TAF7L: variants seen among roughly 807,000 people sequenced by gnomAD.
The protein encoded by TAF7L is transcription initiation factor TFIID subunit 7-like.
Under a neutral mutation model 30.2 loss-of-function variants are expected in TAF7L, and 6 were observed. The observed-to-expected ratio is 0.20, with a 90% CI of 0.11 to 0.39. The LOEUF (loss-of-function observed/expected upper bound fraction) is 0.39, where lower values mean the gene tolerates loss of function less well. Among genes scored for constraint, TAF7L ranks in the 10% least tolerant of loss-of-function variants. The pLI, the probability that TAF7L is intolerant of heterozygous loss-of-function variation, is 1.00. For missense variants in TAF7L, 284 were observed against 277.1 expected (o/e 1.03, Z -0.18); for synonymous variants, 93 against 94.5 (o/e 0.98, Z 0.09).
At chrX:101,286,192 A>AAAAGAAAGAAAGAAAGAAAG (rs1005206920) in intron 3 of TAF7L, among the ~76,000 whole-genome samples, 1 of 106,254 alleles carries the variant, frequency 9.4e-6, no homozygotes, top group Admixed American at 1.0e-4. Flanking sequence ...AAAAAAAAAA[A>AAAAGAAAGAAAGAAAGAAAG]AAAGAAAGAA....
chrX:101,277,451 C>CAAAAAAAAAAAAAA lies in TAF7L; in HGVS notation c.691+141_691+154dup, dbSNP rs368056727. ...TGGGCGACAGAGCAAGACTCCATCT[C>CAAAAAAAAAAAAAA]AAAAAAAAAAAAAAAAAAAGAGGGA... is the stretch of plus-strand genomic sequence containing the variant. On this transcript the variant is annotated intron_variant, in intron 9 of 12. Coordinates refer to ENST00000356784, the MANE Select transcript of TAF7L (RefSeq NM_001168474.2). Among the ~76,000 whole-genome samples the CAAAAAAAAAAAAAA allele has an allele frequency of 6.7e-4, 27 of 40,411 alleles. 1 individual carries two copies. The highest frequency in any genetic ancestry group is 2.7e-3 in the African/African-American group (27 of 10,037). 35.1% of individuals were successfully genotyped at this position (40,411 alleles called of 115,157 possible).
chrX:101,284,975 G>A (rs1354618056), intron 3 of TAF7L, among the ~76,000 whole-genome samples: 2 of 110,887 alleles, frequency 1.8e-5, no homozygotes, highest in Non-Finnish European at 3.8e-5. Context: ...TTTTTAAAAG[G>A]CTGAGTAGTA....
chrX:101,283,682 T>A (rs1924490586), intron 3 of TAF7L, 99 bp from the exon 4 acceptor site: 35 of 905,684 alleles, frequency 3.9e-5, no homozygotes, highest in Non-Finnish European at 5.4e-5. Flanking sequence ...GATTAGTCTT[T>A]CCAAGAAACC....
rs1351733272 is a variant in TAF7L, at chrX:101,268,625, C to T, written c.*568G>A. 8.9e-6 allele frequency: 1 copy of T among 112,052 alleles called. No individual in the cohort carries two copies. The highest frequency in any genetic ancestry group is 1.9e-5 in the Non-Finnish European group (1 of 53,302). The allele number at this position is 112,052 out of a possible 1,213,427, so 9.2% of individuals were successfully genotyped here. ...GCTGCAAGGTAGGCACTTAAACTCA[C>T]TATGGCAGGTCCTAGTGCTTAGTAG... On this transcript the variant is annotated 3_prime_UTR_variant, in exon 13 of 13. Coordinates refer to ENST00000356784, the MANE Select transcript of TAF7L (RefSeq NM_001168474.2).
At position 101,269,163 on chromosome X, in the gene TAF7L, A is replaced by C. The variant is rs1242510059; in HGVS notation, c.*30T>G. On this transcript the variant is annotated 3_prime_UTR_variant, in exon 13 of 13. Coordinates refer to ENST00000356784, the MANE Select transcript of TAF7L (RefSeq NM_001168474.2). ...AATCTGCAGTCTGGATGGTGAATCC[A>C]AGGTTTGTGGGCCACGCCAATGGCT... The C allele has an allele frequency of 3.3e-6, 4 of 1,198,878 alleles. No homozygotes were observed. Among genetic ancestry groups the C allele is most frequent in the Non-Finnish European group, 4.5e-6 (4 of 885,979 alleles).
intron 1 of TAF7L, among the ~76,000 whole-genome samples, chrX:101,288,450 C>T (rs899882127): frequency 1.3e-5 from 1 of 78,629 alleles, no homozygotes; most frequent in African/African-American, 5.3e-5. Context: ...GCATGGAATC[C>T]AGTTCTTTTT....
At chrX:101,269,571 A>G (rs1261188085) in intron 12 of TAF7L, among the ~76,000 whole-genome samples, 1 of 112,075 alleles carries the variant, frequency 8.9e-6, no homozygotes, top group East Asian at 2.8e-4. Context: ...CCTCACAATC[A>G]TGGTGGAAGG....
chrX:101,275,883 G>T, intron 11 of TAF7L, 117 bp downstream of exon 11: 1 of 481,549 alleles, frequency 2.1e-6, no homozygotes, highest in Non-Finnish European at 3.4e-6. Context: ...TTTCTAAGAG[G>T]CTGTTTAGGT....
intron 6 of TAF7L, among the ~76,000 whole-genome samples, chrX:101,279,466 C>A (rs1924326865): frequency 9.1e-6 from 1 of 110,295 alleles, no homozygotes; most frequent in Non-Finnish European, 1.9e-5. Flanking sequence ...ACTAAAAATA[C>A]AAAAATTAGC....
chrX:101,292,170 C>T (rs1352251898), upstream of TAF7L, among the ~76,000 whole-genome samples: 1 of 93,351 alleles, frequency 1.1e-5, no homozygotes, highest in Admixed American at 1.2e-4. Flanking sequence ...ACCCGGGAGG[C>T]GGAGCTTGCA....
chrX:101,273,490 G>T (rs1303311866), intron 12 of TAF7L, among the ~76,000 whole-genome samples: 1 of 111,569 alleles, frequency 9.0e-6, no homozygotes, highest in Non-Finnish European at 1.9e-5. Flanking sequence ...TTGGGAGGCT[G>T]AGGGAGGACA....
At chrX:101,292,851 C>T, upstream of TAF7L, 3 of 1,211,658 alleles carry the variant, frequency 2.5e-6, no homozygotes, top group South Asian at 5.3e-5. Flanking sequence ...TGTCCGCATC[C>T]GTTTGAGTGT....
intron 10 of TAF7L, 54 bp from the exon 11 acceptor site, chrX:101,276,166 C>A: frequency 8.6e-7 from 1 of 1,158,442 alleles, no homozygotes; most frequent in South Asian, 2.0e-5. Flanking sequence ...ATGAATGGAC[C>A]AAGATCCAAA....
At chrX:101,275,459 C>G (rs1474089661) in intron 11 of TAF7L, among the ~76,000 whole-genome samples, 178 bp from the exon 12 acceptor site, 1 of 110,588 alleles carries the variant, frequency 9.0e-6, no homozygotes, top group Non-Finnish European at 1.9e-5. Flanking sequence ...CCTCCGCCTC[C>G]CAGGCTCAAG....
rs1053645168 is a variant in TAF7L at position 101,291,287 on chromosome X, T to G, written c.-66A>C. The G allele has an allele frequency of 1.1e-3, 830 of 751,883 alleles. No individual in the cohort carries two copies. The highest frequency in any genetic ancestry group is 1.3e-3 in the Non-Finnish European group (801 of 638,600). The allele number at this position is 751,883 out of a possible 1,213,427, so 62.0% of individuals were successfully genotyped here. A position where few individuals can be genotyped will look rare whatever the true frequency, so the allele number is the denominator to read the frequency against. ...GGGACCTGCGTCTCTGGTCTGTGGG[T>G]TCCGGACGAACCGCGCGTGGGCTCC... is the stretch of plus-strand genomic sequence containing the variant. On this transcript the variant is annotated 5_prime_UTR_variant, in exon 1 of 13. Transcript: ENST00000356784.
chrX:101,273,238 T>C lies in TAF7L; in HGVS notation c.1086+1984A>G, dbSNP rs1029281518. Among the ~76,000 whole-genome samples the C allele has an allele frequency of 4.5e-5, 5 of 112,046 alleles. No individual in the cohort carries two copies. In the Admixed American group the frequency reaches 4.7e-4, roughly 11 times the overall value. Reference sequence around the variant, plus strand: ...AAAGCCCCCCAACCAGCCTCTTTGCTTCTACTCTCACCTTCTTCCAACCCA... The same window carrying C: ...AAAGCCCCCCAACCAGCCTCTTTGCCTCTACTCTCACCTTCTTCCAACCCA... On this transcript the variant is annotated intron_variant, in intron 12 of 12. Coordinates refer to ENST00000356784, the MANE Select transcript of TAF7L (RefSeq NM_001168474.2).
intron 12 of TAF7L, among the ~76,000 whole-genome samples, chrX:101,269,518 G>T (rs147251675): frequency 0.025 from 2,762 of 111,758 alleles, 43 homozygotes; most frequent in Non-Finnish European, 0.034. Flanking sequence ...AGTTTGGGAA[G>T]AAAAAGAGGT....
At chrX:101,292,988 C>T (rs775567729), upstream of TAF7L, 12 of 1,211,076 alleles carry the variant, frequency 9.9e-6, no homozygotes, top group Non-Finnish European at 1.3e-5. Flanking sequence ...GATGTTGAAA[C>T]TGTTGGTGTT....
At position 101,268,808 on chromosome X, in the gene TAF7L, A is replaced by G. The variant is rs2147363680; in HGVS notation, c.*385T>C. On this transcript the variant is annotated 3_prime_UTR_variant, in exon 13 of 13. Coordinates refer to ENST00000356784, the MANE Select transcript of TAF7L (RefSeq NM_001168474.2). ...TGGTACCATAGCACAGAAGCAATAT[A>G]ATCAATTCTTGTTTGGTGTGGTGGT... The G allele has an allele frequency of 7.6e-6, 1 of 131,358 alleles. No individual in the cohort carries two copies. Among genetic ancestry groups the G allele is most frequent in the East Asian group, 2.1e-4 (1 of 4,846 alleles). The allele number at this position is 131,358 out of a possible 1,213,427, so 10.8% of individuals were successfully genotyped here.
Sources: allele counts gnomAD v4.1 joint callset (sites outside exome capture counted in the v4.1 genomes callset), GRCh38; gene constraint gnomAD v4.1.1; transcripts MANE v1.5; gene names NCBI Gene and HGNC (gene_info 2026-07-23, HGNC 2026-07-21).